The following IMMP2L variants were observed in gnomAD, a reference collection of about 807,000 sequenced individuals.
The protein encoded by IMMP2L is inner mitochondrial membrane peptidase subunit 2.
Under a neutral mutation model 19.3 loss-of-function variants are expected in IMMP2L, and 18 were observed. That is an observed-to-expected ratio of 0.93 (90% CI 0.64 to 1.38). The LOEUF (loss-of-function observed/expected upper bound fraction) is 1.38, where lower values mean the gene tolerates loss of function less well. IMMP2L is among the 40% of genes most tolerant of loss of function. The probability of loss-of-function intolerance (pLI) is 0.00; values close to 1 mark genes in which losing one functional copy is unlikely to be tolerated. For missense variants in IMMP2L, 233 were observed against 218.2 expected (o/e 1.07, Z -0.43); for synonymous variants, 76 against 73.0 (o/e 1.04, Z -0.21).
chr7:111,285,167 G>A, intron 3 of IMMP2L, among the ~76,000 whole-genome samples: 1 of 152,136 alleles, frequency 6.6e-6, no homozygotes, highest in Admixed American at 6.6e-5. Flanking sequence ...TGTGGCATAT[G>A]AGGAGGAAAT....
chr7:111,277,617 G>C (rs762832664), intron 3 of IMMP2L, among the ~76,000 whole-genome samples: 9 of 150,006 alleles, frequency 6.0e-5, no homozygotes, highest in Non-Finnish European at 1.3e-4. Context: ...CAAAGATGCA[G>C]CAGAAAAGGG....
At chr7:110,802,643 G>A (rs918635644) in intron 5 of IMMP2L, among the ~76,000 whole-genome samples, 7 of 151,832 alleles carry the variant, frequency 4.6e-5, no homozygotes, top group Non-Finnish European at 4.4e-5. Flanking sequence ...TCTTTGTTAT[G>A]GGCCATAAAA....
chr7:111,201,637 G>T (rs914026317), intron 3 of IMMP2L, among the ~76,000 whole-genome samples: 1 of 151,766 alleles, frequency 6.6e-6, no homozygotes, highest in African/African-American at 2.4e-5. Flanking sequence ...GATCGCTTGA[G>T]CCTGGGAGAC....
At chr7:111,405,112 C>T (rs935033978) in intron 3 of IMMP2L, among the ~76,000 whole-genome samples, 7 of 151,924 alleles carry the variant, frequency 4.6e-5, no homozygotes, top group African/African-American at 7.3e-5. Flanking sequence ...CTCCTTTTAC[C>T]GACTATGGTT....
chr7:111,414,622 T>C (rs994135055), intron 3 of IMMP2L, among the ~76,000 whole-genome samples: 3 of 151,846 alleles, frequency 2.0e-5, no homozygotes, highest in African/African-American at 7.3e-5. Context: ...TCAAAATCCA[T>C]AGAGCTGTAC....
chr7:111,210,072 G>C (rs1811151615), intron 3 of IMMP2L, among the ~76,000 whole-genome samples: 1 of 152,074 alleles, frequency 6.6e-6, no homozygotes, highest in African/African-American at 2.4e-5. Flanking sequence ...CTTCAGAGTA[G>C]CTCCTTGTAT....
At chr7:110,816,951 A>G (rs1220513375) in intron 5 of IMMP2L, among the ~76,000 whole-genome samples, 1 of 152,138 alleles carries the variant, frequency 6.6e-6, no homozygotes, top group Non-Finnish European at 1.5e-5. Flanking sequence ...TAATTGGAGC[A>G]TTTAGCCCAT....
intron 2 of IMMP2L, among the ~76,000 whole-genome samples, chr7:111,511,274 G>C (rs529505125): frequency 1.3e-5 from 2 of 152,088 alleles, no homozygotes; most frequent in Non-Finnish European, 2.9e-5. Flanking sequence ...CGCTCCCCTG[G>C]ACTTTCTTTT....
chr7:110,991,449 A>C (rs1822445005), intron 3 of IMMP2L, among the ~76,000 whole-genome samples: 1 of 152,186 alleles, frequency 6.6e-6, no homozygotes, highest in Non-Finnish European at 1.5e-5. Context: ...GTCTAGTAAT[A>C]GGAGCAAAAC....
chr7:111,041,709 C>A (rs922030134), intron 3 of IMMP2L, among the ~76,000 whole-genome samples: 3 of 152,014 alleles, frequency 2.0e-5, no homozygotes, highest in African/African-American at 7.3e-5. Context: ...CTTAAAATTA[C>A]TAGGTGCACA....
chr7:111,043,815 C>G (rs1208478037), intron 3 of IMMP2L, among the ~76,000 whole-genome samples: 1 of 152,018 alleles, frequency 6.6e-6, no homozygotes, highest in African/African-American at 2.4e-5. Context: ...AATTACTAAA[C>G]AGGAAGCAAA....
chr7:111,258,903 A>C (rs1486180088), intron 3 of IMMP2L, among the ~76,000 whole-genome samples: 1 of 152,098 alleles, frequency 6.6e-6, no homozygotes, highest in African/African-American at 2.4e-5. Flanking sequence ...TAAAATAATT[A>C]ATTATAGCCA....
chr7:111,458,679 CT>C (rs1839885944), intron 3 of IMMP2L, among the ~76,000 whole-genome samples: 1 of 152,106 alleles, frequency 6.6e-6, no homozygotes, highest in East Asian at 1.9e-4. Flanking sequence ...CAGCATCCCC[CT>C]TTGATTCTCT....
intron 3 of IMMP2L, among the ~76,000 whole-genome samples, chr7:111,276,640 CGA>C (rs1491560341): frequency 1.6e-4 from 17 of 105,874 alleles, no homozygotes; most frequent in African/African-American, 4.4e-4. Context: ...CATGTGGAAC[CGA>C]AAAAAAAAAA....
chr7:111,538,665 C>A (rs1010010750), intron 1 of IMMP2L, among the ~76,000 whole-genome samples: 4 of 149,008 alleles, frequency 2.7e-5, no homozygotes, highest in Admixed American at 1.3e-4. Context: ...ATTAACATAG[C>A]CAGTCATGGT....
At chr7:111,420,481 T>C (rs541917762) in intron 3 of IMMP2L, among the ~76,000 whole-genome samples, 2 of 151,952 alleles carry the variant, frequency 1.3e-5, no homozygotes, top group Non-Finnish European at 2.9e-5. Context: ...TAACTATGCA[T>C]GTGCCATCTT....
At chr7:111,155,753 G>A (rs1280872747) in intron 3 of IMMP2L, among the ~76,000 whole-genome samples, 3 of 151,590 alleles carry the variant, frequency 2.0e-5, no homozygotes, top group African/African-American at 7.3e-5. Context: ...ACTTTTCATT[G>A]TTGCATAACA....
At chr7:110,926,293 G>GC (rs1296705818) in intron 4 of IMMP2L, among the ~76,000 whole-genome samples, 2 of 151,968 alleles carry the variant, frequency 1.3e-5, no homozygotes, top group African/African-American at 4.8e-5. Flanking sequence ...TGTTCCTTCT[G>GC]CATCTGTTGA....
intron 3 of IMMP2L, among the ~76,000 whole-genome samples, chr7:111,214,959 T>G (rs1328535685): frequency 6.6e-6 from 1 of 152,134 alleles, no homozygotes; most frequent in Non-Finnish European, 1.5e-5. Flanking sequence ...ACTCCAAACT[T>G]AAGTCTCCTC....
Sources: gnomAD v4.1 joint callset for allele counts (sites outside exome capture counted in the v4.1 genomes callset) on GRCh38, gnomAD v4.1.1 for gene constraint, MANE v1.5 for transcripts, NCBI Gene and HGNC (gene_info 2026-07-23, HGNC 2026-07-21) for gene names.